SMC1B: variants seen among roughly 807,000 people sequenced by gnomAD.
The protein encoded by SMC1B is structural maintenance of chromosomes 1B.
SMC1B carries 60 observed loss-of-function variants against 157.9 expected under a neutral mutation model. That is an observed-to-expected ratio of 0.38 (90% confidence interval 0.31 to 0.47). The LOEUF is 0.47. Among genes scored for constraint, SMC1B ranks in the 20% least tolerant of loss-of-function variants. The probability of loss-of-function intolerance (pLI) is 0.99; values close to 1 mark genes in which losing one functional copy is unlikely to be tolerated. For missense variants in SMC1B, 1,165 were observed against 1,426.2 expected, an observed-to-expected ratio of 0.82 and a Z score of 2.95; for synonymous variants, 445 against 483.0, an observed-to-expected ratio of 0.92 and a Z score of 1.03.
Position 45,406,866 on chromosome 22 carries a change from C to T in SMC1B, c.299-1G>A. ...TTAAAGCGAAATTCTGAGCATCCCC[C>T]TAAAATAAAAAAATAAACCCTGTTA... On this transcript the variant is annotated splice_acceptor_variant, in intron 2 of 24. Coordinates refer to ENST00000357450, the MANE Select transcript of SMC1B (RefSeq NM_148674.5). LOFTEE classifies it high-confidence loss of function. The T allele has an allele frequency of 6.5e-7, 1 of 1,549,738 alleles. No individual in the cohort carries two copies. Among genetic ancestry groups the T allele is most frequent in the Non-Finnish European group, 8.6e-7 (1 of 1,156,944 alleles).
At chr22:45,351,157 G>A (rs573146425) in intron 22 of SMC1B, among the ~76,000 whole-genome samples, 37 of 151,994 alleles carry the variant, frequency 2.4e-4, no homozygotes, top group African/African-American at 8.4e-4. Flanking sequence ...TTTCTCTATA[G>A]AACTTGTTAC....
At chr22:45,394,510 A>T (rs1045169887) in intron 8 of SMC1B, among the ~76,000 whole-genome samples, 175 bp downstream of exon 8, 5 of 152,054 alleles carry the variant, frequency 3.3e-5, no homozygotes, top group African/African-American at 1.2e-4. Flanking sequence ...GTGTGGTGGC[A>T]TGTGCCTGTA....
chr22:45,347,701 G>A (rs1045753243), intron 23 of SMC1B, among the ~76,000 whole-genome samples: 2 of 152,042 alleles, frequency 1.3e-5, no homozygotes, highest in African/African-American at 2.4e-5. Flanking sequence ...TGATCCTCCC[G>A]CCTCAGCTTC....
At chr22:45,384,706 C>G (rs1454288757) in intron 11 of SMC1B, among the ~76,000 whole-genome samples, 1 of 148,222 alleles carries the variant, frequency 6.7e-6, no homozygotes, top group Non-Finnish European at 1.5e-5. Flanking sequence ...GGTGACAGAG[C>G]AAGACTCCAT....
intron 9 of SMC1B, among the ~76,000 whole-genome samples, chr22:45,392,653 A>G (rs772835627): frequency 3.3e-5 from 5 of 152,120 alleles, no homozygotes; most frequent in Non-Finnish European, 7.4e-5. Flanking sequence ...GGGTGGCCAG[A>G]GACATAGGAG....
intron 1 of SMC1B, among the ~76,000 whole-genome samples, chr22:45,410,040 G>A (rs2087313563): frequency 6.6e-6 from 1 of 152,242 alleles, no homozygotes; most frequent in African/African-American, 2.4e-5. Context: ...CATTTCACAT[G>A]TGTGGACTAG....
intron 1 of SMC1B, among the ~76,000 whole-genome samples, chr22:45,413,074 G>C (rs2087367525): frequency 1.3e-5 from 2 of 151,878 alleles, no homozygotes; most frequent in African/African-American, 4.8e-5. Flanking sequence ...CGAGGGTTGG[G>C]AGCCCCTGAG....
chr22:45,380,376 C>A (rs990202350), intron 12 of SMC1B, among the ~76,000 whole-genome samples: 2 of 152,092 alleles, frequency 1.3e-5, no homozygotes, highest in Non-Finnish European at 2.9e-5. Flanking sequence ...TAAAGTTGAT[C>A]CTTAGAGAAA....
At chr22:45,359,014 T>C (rs1184043387) in intron 18 of SMC1B, among the ~76,000 whole-genome samples, 1 of 150,848 alleles carries the variant, frequency 6.6e-6, no homozygotes, top group Non-Finnish European at 1.5e-5. Flanking sequence ...GTTGGAAAAA[T>C]GGTACCAACA....
intron 9 of SMC1B, among the ~76,000 whole-genome samples, chr22:45,393,330 A>G (rs756514310): frequency 1.3e-5 from 2 of 152,218 alleles, no homozygotes; most frequent in Non-Finnish European, 2.9e-5. Flanking sequence ...GGTGGCTCAG[A>G]GTACTTCACA....
At position 45,369,146 on chromosome 22, in the gene SMC1B, A is replaced by T. The variant is rs376965011; in HGVS notation, c.2420+808T>A. Among the ~76,000 whole-genome samples, 28 of 151,728 alleles carry T rather than the reference A, an allele frequency of 1.8e-4. No individual in the cohort carries two copies. The East Asian group carries it at 4.9e-3, about 26-fold the overall frequency. On this transcript the variant is annotated intron_variant, in intron 15 of 24. Coordinates refer to ENST00000357450, the MANE Select transcript of SMC1B (RefSeq NM_148674.5). ...GGAATCTTGCTCTGTCGCCCAGGCT[A>T]AGTGCAGTGGCACGATCTCGGCTCA...
At chr22:45,370,149 G>A in intron 14 of SMC1B, 89 bp from the exon 15 acceptor site, 1 of 714,856 alleles carries the variant, frequency 1.4e-6, no homozygotes, top group South Asian at 2.5e-5. Context: ...AGATTTTCCT[G>A]AATTAGGCCA....
Position 45,382,549 on chromosome 22 carries a change from C to T in SMC1B, c.2058+918G>A, listed in dbSNP as rs1286072932. On this transcript the variant is annotated intron_variant, in intron 12 of 24. Transcript: ENST00000357450. The stretch of plus-strand genomic sequence containing the variant: ...TATGTCATGAGTGCAGTGATGGTTA[C>T]GTGACTACATACATTTGTCAAAAGT... Among the ~76,000 whole-genome samples, 8 of 152,232 alleles carry T rather than the reference C, an allele frequency of 5.3e-5. 1 individual carries two copies. The highest frequency in any genetic ancestry group is 1.9e-4 in the African/African-American group (8 of 41,538).
At chr22:45,378,706 C>G (rs916813800) in intron 12 of SMC1B, among the ~76,000 whole-genome samples, 2 of 152,050 alleles carry the variant, frequency 1.3e-5, no homozygotes, top group African/African-American at 4.8e-5. Flanking sequence ...TTTCCAACTC[C>G]TGAGTTATCT....
At chr22:45,378,639 C>A (rs1046717293) in intron 12 of SMC1B, among the ~76,000 whole-genome samples, 1 of 152,112 alleles carries the variant, frequency 6.6e-6, no homozygotes, top group Non-Finnish European at 1.5e-5. Context: ...TAGTTTCAAG[C>A]CTTCTTTTCC....
Position 45,392,095 on chromosome 22 carries a change from C to T in SMC1B, c.1545+1539G>A, listed in dbSNP as rs574308953. Among the ~76,000 whole-genome samples the T allele has an allele frequency of 1.1e-4, 16 of 152,210 alleles. No homozygotes were observed. In the East Asian group the frequency reaches 2.9e-3, roughly 28 times the overall value. On this transcript the variant is annotated intron_variant, in intron 9 of 24. Transcript: ENST00000357450. ...CCAAGTAGCTGGGATTATAGGCATG[C>T]ACCACCACGCCCAGCTAAATTTTTT...
rs753449081 is a variant in SMC1B, at chr22:45,354,122, G to T, written c.3129C>A (p.Ala1043=). ...KFQESTDAFE[A]SRKEARLCRQ... The stretch of plus-strand genomic sequence containing the variant: ...TACACAGTCTGGCTTCCTTTCTGCT[G>T]GCCTCAAAAGCTAAGAGAGAATCAA... Residue 1043 remains alanine (A), a synonymous_variant, in exon 21 of 25, where the codon GCC becomes GCA. Coordinates refer to ENST00000357450, the MANE Select transcript of SMC1B (RefSeq NM_148674.5). 6.4e-7 allele frequency: 1 copy of T among 1,561,978 alleles called. No homozygotes were observed. Among genetic ancestry groups the T allele is most frequent in the Non-Finnish European group, 8.6e-7 (1 of 1,161,218 alleles).
intron 11 of SMC1B, among the ~76,000 whole-genome samples, chr22:45,385,781 A>C (rs987526831): frequency 2.0e-5 from 3 of 152,114 alleles, no homozygotes; most frequent in African/African-American, 2.4e-5. Flanking sequence ...TTACTACCCT[A>C]GCTTAAATTT....
At chr22:45,350,271 A>AAT (rs1555923923) in intron 22 of SMC1B, among the ~76,000 whole-genome samples, 4 of 143,058 alleles carry the variant, frequency 2.8e-5, no homozygotes, top group African/African-American at 7.8e-5. Flanking sequence ...TTTTTTTTTA[A>AAT]TTTTTTTTAA....
Sources: gnomAD v4.1 joint callset for allele counts (sites outside exome capture counted in the v4.1 genomes callset) on GRCh38, gnomAD v4.1.1 for gene constraint, MANE v1.5 for transcripts, NCBI Gene and HGNC (gene_info 2026-07-23, HGNC 2026-07-21) for gene names.